The following PPARG variants were observed in gnomAD, a reference collection of about 807,000 sequenced individuals.
PPARG encodes the protein peroxisome proliferator activated receptor gamma, also known as peroxisome proliferator-activated receptor gamma.
PPARG carries 17 observed loss-of-function variants against 39.2 expected under a neutral mutation model. That is an observed-to-expected ratio of 0.43 (90% CI 0.30 to 0.65). The LOEUF is 0.65. PPARG is among the 30% of genes least tolerant of loss of function. The probability of loss-of-function intolerance (pLI) is 0.13; values close to 1 mark genes in which losing one functional copy is unlikely to be tolerated. For synonymous variants in PPARG, 223 were observed against 215.7 expected (o/e 1.03, Z -0.30); for missense variants, 406 against 585.9 (o/e 0.69, Z 3.17).
intron 2 of PPARG, among the ~76,000 whole-genome samples, chr3:12,321,434 A>C (rs1372538178): frequency 1.3e-5 from 2 of 152,202 alleles, no homozygotes; most frequent in Non-Finnish European, 2.9e-5. Context: ...CCAGGTGCCA[A>C]ATGCTACAGG....
intron 1 of PPARG, among the ~76,000 whole-genome samples, chr3:12,308,914 A>G (rs2047151357): frequency 6.6e-6 from 1 of 152,192 alleles, no homozygotes; most frequent in East Asian, 1.9e-4. Flanking sequence ...TTGAGGAGTG[A>G]AATAATAAAA....
intron 2 of PPARG, among the ~76,000 whole-genome samples, chr3:12,376,066 C>T (rs2049395711): frequency 6.6e-6 from 1 of 151,958 alleles, no homozygotes; most frequent in Non-Finnish European, 1.5e-5. Flanking sequence ...TCTCCTGCCT[C>T]AGCTTCCCGA....
At chr3:12,330,507 C>G (rs1266676772) in intron 2 of PPARG, among the ~76,000 whole-genome samples, 1 of 151,934 alleles carries the variant, frequency 6.6e-6, no homozygotes, top group East Asian at 1.9e-4. Flanking sequence ...CCTTTCTATT[C>G]TTCTCTCACT....
At chr3:12,419,540 A>G (rs2051191422) in intron 7 of PPARG, among the ~76,000 whole-genome samples, 1 of 151,474 alleles carries the variant, frequency 6.6e-6, no homozygotes, top group Non-Finnish European at 1.5e-5. Flanking sequence ...TCGGCTCACT[A>G]CAACCGGGTT....
At chr3:12,380,721 C>A (rs750492017) in intron 3 of PPARG, among the ~76,000 whole-genome samples, 6 of 152,034 alleles carry the variant, frequency 3.9e-5, no homozygotes, top group Non-Finnish European at 5.9e-5. Context: ...ATTTAGTAGC[C>A]CTGAGCCCAA....
chr3:12,343,930 G>A (rs2048257274), intron 2 of PPARG, among the ~76,000 whole-genome samples: 3 of 144,840 alleles, frequency 2.1e-5, no homozygotes, highest in Admixed American at 1.4e-4. Flanking sequence ...GGGCAAACTC[G>A]GCTCACTACA....
intron 2 of PPARG, among the ~76,000 whole-genome samples, chr3:12,358,885 T>C (rs1353480528): frequency 1.3e-5 from 2 of 152,218 alleles, no homozygotes; most frequent in Non-Finnish European, 2.9e-5. Context: ...TATTATTTCT[T>C]AAGCAATATC....
At chr3:12,377,528 T>A (rs1374419748) in intron 2 of PPARG, among the ~76,000 whole-genome samples, 1 of 152,200 alleles carries the variant, frequency 6.6e-6, no homozygotes, top group African/African-American at 2.4e-5. Context: ...AAAATTTTTT[T>A]ATTTTTGTAT....
upstream of PPARG, chr3:12,287,696 G>C (rs2920502): frequency 0.28 from 43,089 of 151,278 alleles, 7,840 homozygotes; most frequent in East Asian, 0.75. Context: ...GCGGGGCAGA[G>C]AGTGGACGCG....
Position 12,360,394 on chromosome 3 carries a change from G to A in PPARG, c.-8-19310G>A, listed in dbSNP as rs368898877. ...TATGACAATCCTTTTAACACAACTGGAAGAGTTTTTGTTGGCTTACTTGGT... is the reference window on the plus strand; with the variant it reads ...TATGACAATCCTTTTAACACAACTGAAAGAGTTTTTGTTGGCTTACTTGGT... On this transcript the variant is annotated intron_variant, in intron 2 of 7. Transcript: ENST00000651735. Among the ~76,000 whole-genome samples, 49 of 152,132 alleles carry A rather than the reference G, an allele frequency of 3.2e-4. No individual in the cohort carries two copies. The South Asian group carries it at 9.2e-3, about 28-fold the overall frequency.
chr3:12,343,909 G>T (rs1456025693), intron 2 of PPARG, among the ~76,000 whole-genome samples: 1 of 143,802 alleles, frequency 7.0e-6, no homozygotes, highest in African/African-American at 2.7e-5. Context: ...CACCCAGGCT[G>T]GAGTGCAGTG....
chr3:12,400,963 C>G (rs1429386553), intron 5 of PPARG, among the ~76,000 whole-genome samples: 1 of 152,196 alleles, frequency 6.6e-6, no homozygotes, highest in African/African-American at 2.4e-5. Flanking sequence ...TATTCATTCC[C>G]TTGCTTTCCA....
intron 6 of PPARG, among the ~76,000 whole-genome samples, chr3:12,414,531 C>CT (rs2050993580): frequency 1.3e-5 from 2 of 152,006 alleles, no homozygotes; most frequent in South Asian, 4.2e-4. Context: ...CTGTAAAATG[C>CT]CTGGAGGACA....
chr3:12,301,884 C>T (rs577188589), intron 1 of PPARG: 9 of 152,306 alleles, frequency 5.9e-5, no homozygotes, highest in South Asian at 4.1e-4. Context: ...ATCTAGACTT[C>T]AGTTTTCTTG....
chr3:12,311,437 A>G (rs1202201933), intron 1 of PPARG, among the ~76,000 whole-genome samples: 1 of 152,238 alleles, frequency 6.6e-6, no homozygotes, highest in Non-Finnish European at 1.5e-5. Context: ...AAACAGGCAA[A>G]ATACGTTGGC....
chr3:12,398,354 T>C lies in PPARG; in HGVS notation c.529+5602T>C, dbSNP rs1159464743. On this transcript the variant is annotated intron_variant, in intron 5 of 7. Transcript: ENST00000651735. ...TGAAGGGAGAGAAGTTGTCAAAGATTATTTAGGATATCTAATTTGGGTGAT... is the reference window on the plus strand; with the variant it reads ...TGAAGGGAGAGAAGTTGTCAAAGATCATTTAGGATATCTAATTTGGGTGAT... Among the ~76,000 whole-genome samples, 77 of 152,170 alleles carry C rather than the reference T, an allele frequency of 5.1e-4. 1 individual carries two copies. The highest frequency in any genetic ancestry group is 1.5e-4 in the Non-Finnish European group (10 of 68,026).
At chr3:12,351,814 G>A (rs1319936888) in intron 2 of PPARG, 15 of 719,194 alleles carry the variant, frequency 2.1e-5, no homozygotes, top group Middle Eastern at 2.4e-4. Context: ...TGCTTAGCTC[G>A]TTGCTATCGC....
At chr3:12,289,767 T>G (rs1483914757) in intron 1 of PPARG, among the ~76,000 whole-genome samples, 1 of 152,196 alleles carries the variant, frequency 6.6e-6, no homozygotes, top group Non-Finnish European at 1.5e-5. Flanking sequence ...AAGAAATACC[T>G]TTCACTCCTA....
At chr3:12,377,170 A>T (rs1176550780) in intron 2 of PPARG, among the ~76,000 whole-genome samples, 1 of 152,232 alleles carries the variant, frequency 6.6e-6, no homozygotes, top group Non-Finnish European at 1.5e-5. Flanking sequence ...AATCATGTTT[A>T]GAAAAATGCA....
Sources: allele counts gnomAD v4.1 joint callset (sites outside exome capture counted in the v4.1 genomes callset), GRCh38; gene constraint gnomAD v4.1.1; transcripts MANE v1.5; gene names NCBI Gene and HGNC (gene_info 2026-07-23, HGNC 2026-07-21).